The following DCT variants were observed in gnomAD, a reference collection of about 807,000 sequenced individuals.
The protein encoded by DCT is dopachrome tautomerase.
A neutral mutation model predicts 53.0 loss-of-function variants in DCT; 47 were observed. That is an observed-to-expected ratio of 0.89 (90% CI 0.70 to 1.13). DCT has a LOEUF of 1.13. DCT is among the 50% of genes most tolerant of loss of function. The pLI, the probability that DCT is intolerant of heterozygous loss-of-function variation, is 0.00. For synonymous variants in DCT, 244 were observed against 237.0 expected (o/e 1.03, Z -0.27); for missense variants, 669 against 637.4 (o/e 1.05, Z -0.53).
chr13:94,501,429 T>C, the DCT span, among the ~76,000 whole-genome samples: 4 of 152,280 alleles, frequency 2.6e-5, no homozygotes, highest in South Asian at 6.2e-4. Context: ...GTGCCTCTAG[T>C]ACATAAAAAG....
the DCT span, among the ~76,000 whole-genome samples, chr13:94,520,212 A>G: frequency 6.6e-6 from 1 of 152,198 alleles, no homozygotes; most frequent in Non-Finnish European, 1.5e-5. Context: ...ATAAAAGGAA[A>G]AGACAACCCT....
chr13:94,441,900 A>AT (rs1436188575), intron 7 of DCT, among the ~76,000 whole-genome samples: 6 of 152,094 alleles, frequency 3.9e-5, no homozygotes, highest in African/African-American at 9.7e-5. Context: ...TATTTGTTCC[A>AT]TTTTTTTGAG....
the DCT span, among the ~76,000 whole-genome samples, chr13:94,541,522 A>T: frequency 6.6e-6 from 1 of 152,056 alleles, no homozygotes; most frequent in Non-Finnish European, 1.5e-5. Flanking sequence ...AAAGAAAAAA[A>T]AAAGATCTAG....
At chr13:94,475,098 C>G (rs1036177837) in intron 1 of DCT, among the ~76,000 whole-genome samples, 5 of 152,074 alleles carry the variant, frequency 3.3e-5, no homozygotes, top group Non-Finnish European at 7.4e-5. Context: ...GCCCCACAAA[C>G]CATAAAAAAG....
chr13:94,501,791 G>A, the DCT span, among the ~76,000 whole-genome samples: 5 of 152,056 alleles, frequency 3.3e-5, no homozygotes, highest in South Asian at 8.3e-4. Context: ...ACAATGTGGC[G>A]CACTAGGTGC....
chr13:94,453,555 A>G lies in DCT; in HGVS notation c.1179+6536T>C, dbSNP rs1364778908. Among the ~76,000 whole-genome samples, 3 of 152,298 alleles carry G rather than the reference A, an allele frequency of 2.0e-5. No individual in the cohort carries two copies. In the East Asian group the frequency reaches 5.8e-4, roughly 29 times the overall value. On this transcript the variant is annotated intron_variant, in intron 6 of 7. Transcript: ENST00000377028. Reference sequence around the variant, plus strand: ...TTTAAATGTTTCACTCTTGGGAAGAAAAAAGCAATGCCCTATTGATATGGT... The same window carrying G: ...TTTAAATGTTTCACTCTTGGGAAGAGAAAAGCAATGCCCTATTGATATGGT...
At chr13:94,445,502 A>G (rs1882657311) in intron 6 of DCT, among the ~76,000 whole-genome samples, 1 of 152,182 alleles carries the variant, frequency 6.6e-6, no homozygotes, top group Admixed American at 6.5e-5. Flanking sequence ...AGCTGTTCCA[A>G]CACCTATCAC....
the DCT span, among the ~76,000 whole-genome samples, chr13:94,504,469 G>A: frequency 1.7e-4 from 26 of 152,290 alleles, no homozygotes; most frequent in East Asian, 3.5e-3. Context: ...CCAGGTTCCA[G>A]TGATTCTCCT....
Position 94,479,448 on chromosome 13 carries a change from G to A in DCT, c.-193C>T, listed in dbSNP as rs116765812. ...CATGTGTGCACATGTGTACATGAAC[G>A]TGCACACACAATTTTATGTGATTCA... On this transcript the variant is annotated 5_prime_UTR_variant, in exon 1 of 8. It adds an upstream start codon to the 5' untranslated region. Coordinates refer to ENST00000377028, the MANE Select transcript of DCT (RefSeq NM_001922.5). 550 of 538,660 alleles carry A rather than the reference G, an allele frequency of 1.0e-3. 2 individuals are homozygous for A. Among genetic ancestry groups the A allele is most frequent in the African/African-American group, 7.8e-3 (412 of 52,812 alleles). The allele number at this position is 538,660 out of a possible 1,614,324, so 33.4% of individuals were successfully genotyped here.
chr13:94,547,984 A>AAAAAAAAAAATATATATAT, the DCT span, among the ~76,000 whole-genome samples: 3 of 65,844 alleles, frequency 4.6e-5, no homozygotes, highest in African/African-American at 1.3e-4. Context: ...AAAAAAAAAA[A>AAAAAAAAAAATATATATAT]ATATATATAT....
the DCT span, among the ~76,000 whole-genome samples, chr13:94,523,586 T>G: frequency 2.6e-5 from 4 of 152,202 alleles, no homozygotes; most frequent in African/African-American, 7.2e-5. Flanking sequence ...TCCTCAGACT[T>G]TGGGATAGGT....
chr13:94,502,631 G>A, the DCT span, among the ~76,000 whole-genome samples: 14 of 152,036 alleles, frequency 9.2e-5, no homozygotes, highest in African/African-American at 3.1e-4. Flanking sequence ...GTAGCTTTCT[G>A]ACCCCCTCCT....
At chr13:94,524,852 C>T in the DCT span, among the ~76,000 whole-genome samples, 7 of 152,048 alleles carry the variant, frequency 4.6e-5, no homozygotes, top group South Asian at 2.1e-4. Context: ...GTCACAAGGG[C>T]GGGCCCTAAT....
the DCT span, among the ~76,000 whole-genome samples, chr13:94,500,707 A>C: frequency 1.3e-5 from 2 of 152,148 alleles, no homozygotes; most frequent in African/African-American, 4.8e-5. Context: ...ATAATATCCC[A>C]TTGTGTACCA....
At chr13:94,518,902 C>T in the DCT span, among the ~76,000 whole-genome samples, 2 of 152,094 alleles carry the variant, frequency 1.3e-5, no homozygotes, top group Admixed American at 6.5e-5. Flanking sequence ...CTTCTTAATC[C>T]CTTTAAGTTG....
the DCT span, among the ~76,000 whole-genome samples, chr13:94,513,987 C>CAAAAA: frequency 0.011 from 594 of 52,980 alleles, 57 homozygotes; most frequent in African/African-American, 0.038. Flanking sequence ...AACTCTGTCT[C>CAAAAA]AAAAAAAAAA....
chr13:94,451,924 T>C (rs2139300253), intron 6 of DCT, among the ~76,000 whole-genome samples: 1 of 152,222 alleles, frequency 6.6e-6, no homozygotes, highest in East Asian at 1.9e-4. Flanking sequence ...TTAGGGTTTT[T>C]TTTTTCTTTT....
chr13:94,471,528 C>T (rs1356741477), intron 1 of DCT, among the ~76,000 whole-genome samples: 6 of 152,152 alleles, frequency 3.9e-5, no homozygotes, highest in Admixed American at 1.3e-4. Context: ...TATGAAGCGG[C>T]TACTATCTCA....
chr13:94,456,070 A>G (rs896655691), intron 6 of DCT, among the ~76,000 whole-genome samples: 10 of 152,356 alleles, frequency 6.6e-5, no homozygotes, highest in African/African-American at 2.4e-4. Flanking sequence ...TATCAAGTTA[A>G]AATCATTGAA....
Sources: allele counts gnomAD v4.1 joint callset (sites outside exome capture counted in the v4.1 genomes callset), GRCh38; gene constraint gnomAD v4.1.1; transcripts MANE v1.5; gene names NCBI Gene and HGNC (gene_info 2026-07-23, HGNC 2026-07-21).